Variants in WWOX observed in about 807,000 individuals in gnomAD.
WWOX encodes the protein WW domain-containing oxidoreductase.
A neutral mutation model predicts 46.2 loss-of-function variants in WWOX; 69 were observed. The observed-to-expected ratio is 1.49, with a 90% CI of 1.23 to 1.82. The LOEUF (loss-of-function observed/expected upper bound fraction) is 1.82, where lower values mean the gene tolerates loss of function less well. Among genes scored for constraint, WWOX ranks in the 40% most tolerant of loss-of-function variants. The pLI, the probability that WWOX is intolerant of heterozygous loss-of-function variation, is 0.00. For missense variants in WWOX, 919 were observed against 542.6 expected (o/e 1.69, Z -6.89); for synonymous variants, 359 against 202.6 (o/e 1.77, Z -6.56).
At chr16:79,022,259 G>T (rs924905916) in intron 8 of WWOX, among the ~76,000 whole-genome samples, 4 of 150,356 alleles carry the variant, frequency 2.7e-5, no homozygotes, top group African/African-American at 9.8e-5. Flanking sequence ...AGTGCTTGGG[G>T]CACATTGGCA....
At chr16:78,635,860 C>G (rs750832565) in intron 8 of WWOX, among the ~76,000 whole-genome samples, 22 of 151,986 alleles carry the variant, frequency 1.4e-4, no homozygotes, top group Non-Finnish European at 2.5e-4. Flanking sequence ...TCATTGGTGG[C>G]CATTGGAGGG....
In WWOX at chr16:78,947,723, A is replaced by G. The variant is rs1380350330; in HGVS notation, c.1057-263885A>G. ...ACTTAGCCCCTTCAGAAAAGCCAAA[A>G]AGAATGTGCCACCTAGATGCTATTT... On this transcript the variant is annotated intron_variant, in intron 8 of 8. Transcript: ENST00000566780. 2.0e-5 allele frequency among the ~76,000 whole-genome samples: 3 copies of G among 152,196 alleles called. No individual in the cohort carries two copies. In the East Asian group the frequency reaches 5.8e-4, roughly 29 times the overall value.
chr16:78,420,160 C>A (rs764196200), intron 6 of WWOX, among the ~76,000 whole-genome samples: 20 of 152,154 alleles, frequency 1.3e-4, no homozygotes, highest in Admixed American at 2.6e-4. Flanking sequence ...CAAATACAGT[C>A]CTGGCGGAAA....
At chr16:78,882,740 C>T (rs543110751) in intron 8 of WWOX, among the ~76,000 whole-genome samples, 7 of 152,000 alleles carry the variant, frequency 4.6e-5, no homozygotes, top group Non-Finnish European at 7.4e-5. Flanking sequence ...CCACCCGCTT[C>T]AGCCTCTTAA....
At chr16:78,187,923 A>G (rs997817044) in intron 5 of WWOX, among the ~76,000 whole-genome samples, 4 of 152,200 alleles carry the variant, frequency 2.6e-5, no homozygotes, top group Non-Finnish European at 5.9e-5. Context: ...TTTCCCAGGC[A>G]TTAAGACCTA....
At chr16:78,435,100 C>G (rs1302799680) in intron 8 of WWOX, among the ~76,000 whole-genome samples, 1 of 152,100 alleles carries the variant, frequency 6.6e-6, no homozygotes, top group East Asian at 1.9e-4. Context: ...ATCATGATAT[C>G]GGAGTGTTAG....
chr16:78,881,818 T>C (rs2044348715), intron 8 of WWOX, among the ~76,000 whole-genome samples: 1 of 152,206 alleles, frequency 6.6e-6, no homozygotes, highest in Non-Finnish European at 1.5e-5. Context: ...AGGCATTTTC[T>C]TCTCGAATTA....
intron 1 of WWOX, among the ~76,000 whole-genome samples, chr16:78,105,723 A>G (rs534763262): frequency 6.6e-6 from 1 of 152,076 alleles, no homozygotes; most frequent in Admixed American, 6.6e-5. Flanking sequence ...TTCACCTTCT[A>G]AGGGCTGGGA....
intron 5 of WWOX, among the ~76,000 whole-genome samples, chr16:78,206,595 C>T (rs775699267): frequency 6.6e-6 from 1 of 152,068 alleles, no homozygotes; most frequent in South Asian, 2.1e-4. Context: ...TAGAATTTCA[C>T]CCTATTCTAT....
chr16:79,212,224 C>T lies in WWOX; in HGVS notation c.*428C>T, dbSNP rs1387342988. On this transcript the variant is annotated 3_prime_UTR_variant, in exon 9 of 9. Coordinates refer to ENST00000566780, the MANE Select transcript of WWOX (RefSeq NM_016373.4). ...ACTTAGGGAAGAAAAAGCAAGTGTT[C>T]ACTGCTCCTTGCTGCATTGATCCAG... The T allele has an allele frequency of 1.4e-6, 2 of 1,399,350 alleles. No homozygotes were observed. Among genetic ancestry groups the T allele is most frequent in the Non-Finnish European group, 1.9e-6 (2 of 1,064,852 alleles). The allele number at this position is 1,399,350 out of a possible 1,614,324, so 86.7% of individuals were successfully genotyped here.
At chr16:79,081,570 G>C (rs1396183384) in intron 8 of WWOX, among the ~76,000 whole-genome samples, 6 of 152,066 alleles carry the variant, frequency 3.9e-5, no homozygotes, top group Non-Finnish European at 8.8e-5. Flanking sequence ...CTCTTTGTGG[G>C]GCCCTGAACA....
At chr16:79,159,778 C>T (rs991816739) in intron 8 of WWOX, among the ~76,000 whole-genome samples, 4 of 152,270 alleles carry the variant, frequency 2.6e-5, no homozygotes, top group East Asian at 1.9e-4. Flanking sequence ...TTGTGGAGTG[C>T]GAATTCTCCT....
intron 8 of WWOX, among the ~76,000 whole-genome samples, chr16:78,682,531 T>G (rs2047754018): frequency 1.3e-5 from 2 of 152,016 alleles, no homozygotes; most frequent in South Asian, 4.1e-4. Context: ...TGCAACGACT[T>G]ACGATCATGC....
intron 8 of WWOX, among the ~76,000 whole-genome samples, chr16:78,493,949 A>G (rs2084848240): frequency 6.6e-6 from 1 of 152,214 alleles, no homozygotes; most frequent in Non-Finnish European, 1.5e-5. Flanking sequence ...TGGAAAGTGT[A>G]TTAGTCGATT....
chr16:78,773,089 A>G (rs540715644), intron 8 of WWOX, among the ~76,000 whole-genome samples: 1 of 152,302 alleles, frequency 6.6e-6, no homozygotes, highest in Admixed American at 6.5e-5. Flanking sequence ...AAATTAGGTA[A>G]CTTGCTCAGT....
At chr16:78,758,170 G>T (rs564773714) in intron 8 of WWOX, among the ~76,000 whole-genome samples, 6 of 152,212 alleles carry the variant, frequency 3.9e-5, no homozygotes, top group African/African-American at 1.2e-4. Context: ...CCATCGTAAA[G>T]GGAAGATCAA....
At chr16:78,221,020 A>G (rs1259358372) in intron 5 of WWOX, among the ~76,000 whole-genome samples, 2 of 152,170 alleles carry the variant, frequency 1.3e-5, no homozygotes, top group Non-Finnish European at 2.9e-5. Context: ...TCTCTTATCC[A>G]AATGTATCAT....
intron 5 of WWOX, among the ~76,000 whole-genome samples, chr16:78,357,364 C>T (rs1050101705): frequency 1.3e-5 from 2 of 152,156 alleles, no homozygotes; most frequent in African/African-American, 4.8e-5. Context: ...GCAAAGGAAC[C>T]TGCACTGTGC....
chr16:78,539,199 C>G (rs1243568778), intron 8 of WWOX, among the ~76,000 whole-genome samples: 1 of 152,114 alleles, frequency 6.6e-6, no homozygotes, highest in Non-Finnish European at 1.5e-5. Context: ...AGTAATTGCT[C>G]AATAAATATG....
Sources: allele counts gnomAD v4.1 joint callset (sites outside exome capture counted in the v4.1 genomes callset), GRCh38; gene constraint gnomAD v4.1.1; transcripts MANE v1.5; gene names NCBI Gene and HGNC (gene_info 2026-07-23, HGNC 2026-07-21).